STAU2: variants seen among roughly 807,000 people sequenced by gnomAD.
STAU2 encodes double-stranded RNA-binding protein Staufen homolog 2.
STAU2 carries 20 observed loss-of-function variants against 65.9 expected under a neutral mutation model. The ratio of observed to expected loss-of-function variants is 0.30; its 90% CI spans 0.21 to 0.44. The LOEUF (loss-of-function observed/expected upper bound fraction) is 0.44. Among genes scored for constraint, STAU2 ranks in the 20% least tolerant of loss-of-function variants. STAU2 has a pLI of 1.00. For synonymous variants in STAU2, 232 were observed against 233.9 expected (o/e 0.99, Z 0.07); for missense variants, 558 against 683.9 (o/e 0.82, Z 2.05).
chr8:73,442,223 G>A (rs1198250467), intron 13 of STAU2, among the ~76,000 whole-genome samples: 4 of 151,742 alleles, frequency 2.6e-5, no homozygotes, highest in East Asian at 1.9e-4. Flanking sequence ...GTGTGGTGGC[G>A]GGTGCCTGTA....
chr8:73,719,182 T>A (rs894545523), intron 3 of STAU2, among the ~76,000 whole-genome samples: 1 of 152,102 alleles, frequency 6.6e-6, no homozygotes, highest in South Asian at 2.1e-4. Flanking sequence ...GGCAGGTGGA[T>A]CACAAGGTCA....
intron 10 of STAU2, among the ~76,000 whole-genome samples, chr8:73,602,840 T>A (rs1811738054): frequency 6.6e-6 from 1 of 152,190 alleles, no homozygotes; most frequent in Non-Finnish European, 1.5e-5. Flanking sequence ...AGAAAAGCTT[T>A]CATATTTCTT....
At position 73,434,917 on chromosome 8, in the gene STAU2, C is replaced by G. The variant is rs116274021; in HGVS notation, c.1531-12215G>C. ...CCGCCCCTAGAATCACATTCCATAT[C>G]TTTGCCCCAGCATTCAAGGCCCCCA... On this transcript the variant is annotated intron_variant, in intron 13 of 14. Coordinates refer to ENST00000524300, the MANE Select transcript of STAU2 (RefSeq NM_001164380.2). Among the ~76,000 whole-genome samples the G allele has an allele frequency of 2.3e-3, 348 of 152,074 alleles. 6 individuals carry two copies. The highest frequency in any genetic ancestry group is 8.2e-3 in the African/African-American group (340 of 41,328).
intron 13 of STAU2, among the ~76,000 whole-genome samples, chr8:73,521,438 A>G (rs1025406412): frequency 6.6e-6 from 1 of 152,220 alleles, no homozygotes; most frequent in Non-Finnish European, 1.5e-5. Flanking sequence ...ATGTACGGAG[A>G]GCCTAGCACA....
At chr8:73,746,638 G>A (rs2130806421) in intron 1 of STAU2, 145 bp downstream of exon 1, 1 of 381,160 alleles carries the variant, frequency 2.6e-6, no homozygotes, top group Non-Finnish European at 4.3e-6. Context: ...GAGGGAAGGC[G>A]CGGGGGAGGG....
intron 13 of STAU2, chr8:73,527,840 T>TG: frequency 1.4e-6 from 2 of 1,445,208 alleles, no homozygotes; most frequent in Non-Finnish European, 1.9e-6. Context: ...TGAACACCAT[T>TG]TTCAGAGGGG....
At chr8:73,508,731 T>C (rs941626188) in intron 13 of STAU2, among the ~76,000 whole-genome samples, 1 of 152,240 alleles carries the variant, frequency 6.6e-6, no homozygotes, top group Non-Finnish European at 1.5e-5. Flanking sequence ...AAATTTCATA[T>C]ATATGTAATC....
intron 13 of STAU2, among the ~76,000 whole-genome samples, chr8:73,433,783 G>A (rs1406922353): frequency 6.6e-6 from 1 of 151,892 alleles, no homozygotes; most frequent in African/African-American, 2.4e-5. Flanking sequence ...GATTACAGGC[G>A]TGAGCCACCG....
chr8:73,439,990 G>A (rs1391054297), intron 13 of STAU2: 2 of 152,288 alleles, frequency 1.3e-5, no homozygotes, highest in African/African-American at 4.8e-5. Flanking sequence ...CCATGTCCTG[G>A]AGCCTCTTAA....
chr8:73,612,997 T>C (rs1812584252), intron 9 of STAU2, among the ~76,000 whole-genome samples: 1 of 152,236 alleles, frequency 6.6e-6, no homozygotes, highest in Non-Finnish European at 1.5e-5. Flanking sequence ...CTTCTCTTAT[T>C]AATGTAAATA....
intron 13 of STAU2, among the ~76,000 whole-genome samples, chr8:73,524,400 C>A (rs1239119338): frequency 6.6e-6 from 1 of 152,116 alleles, no homozygotes; most frequent in Non-Finnish European, 1.5e-5. Context: ...GCATCATCAG[C>A]ATATAGATGG....
intron 11 of STAU2, among the ~76,000 whole-genome samples, chr8:73,588,560 T>C (rs554504838): frequency 6.6e-6 from 1 of 151,810 alleles, no homozygotes; most frequent in African/African-American, 2.4e-5. Flanking sequence ...CATTCTCCAA[T>C]ACAAAACAAA....
At chr8:73,461,740 C>T (rs144967812) in intron 13 of STAU2, among the ~76,000 whole-genome samples, 8 of 152,104 alleles carry the variant, frequency 5.3e-5, no homozygotes, top group South Asian at 2.1e-4. Flanking sequence ...CAGGCAGGAA[C>T]GCAACCGCGG....
At chr8:73,465,046 C>T (rs1036479667) in intron 13 of STAU2, among the ~76,000 whole-genome samples, 4 of 152,198 alleles carry the variant, frequency 2.6e-5, no homozygotes, top group African/African-American at 9.7e-5. Flanking sequence ...TGTACTCTTG[C>T]TGAGAAAATA....
chr8:73,561,555 A>G lies in STAU2; in HGVS notation c.1223-9236T>C, dbSNP rs1016261640. On this transcript the variant is annotated intron_variant, in intron 12 of 14. Transcript: ENST00000524300. ...TATGATTTCCCTACGACAGAAAAACACCAAAAAATGGATTATATAAGTCTG... is the reference window on the plus strand; with the variant it reads ...TATGATTTCCCTACGACAGAAAAACGCCAAAAAATGGATTATATAAGTCTG... The G allele has an allele frequency of 1.1e-5, 5 of 455,308 alleles. No homozygotes were observed. In the Admixed American group the frequency reaches 1.2e-4, roughly 11 times the overall value. The allele number at this position is 455,308 out of a possible 1,614,324, so 28.2% of individuals were successfully genotyped here.
At chr8:73,464,632 C>T (rs1819553687) in intron 13 of STAU2, among the ~76,000 whole-genome samples, 1 of 152,032 alleles carries the variant, frequency 6.6e-6, no homozygotes, top group South Asian at 2.1e-4. Context: ...ACACTGCAGC[C>T]TTAATAGCTC....
intron 13 of STAU2, among the ~76,000 whole-genome samples, chr8:73,477,507 C>T (rs1243815704): frequency 6.6e-6 from 1 of 152,208 alleles, no homozygotes; most frequent in Non-Finnish European, 1.5e-5. Flanking sequence ...TTGAAGGTCA[C>T]TTCTTTGAAA....
At chr8:73,599,994 T>A (rs1039899991) in intron 10 of STAU2, among the ~76,000 whole-genome samples, 1 of 152,198 alleles carries the variant, frequency 6.6e-6, no homozygotes, top group African/African-American at 2.4e-5. Flanking sequence ...AGTCTCGATC[T>A]CCTGACCTCG....
intron 4 of STAU2, among the ~76,000 whole-genome samples, chr8:73,706,621 T>C (rs1265867044): frequency 6.6e-6 from 1 of 152,206 alleles, no homozygotes; most frequent in Admixed American, 6.5e-5. Context: ...CTTATCAATA[T>C]CATGTTTCAC....
Sources: allele counts gnomAD v4.1 joint callset (sites outside exome capture counted in the v4.1 genomes callset), GRCh38; gene constraint gnomAD v4.1.1; transcripts MANE v1.5; gene names NCBI Gene and HGNC (gene_info 2026-07-23, HGNC 2026-07-21).